ADAM2: variants seen among roughly 807,000 people sequenced by gnomAD.
ADAM2 encodes the protein disintegrin and metalloproteinase domain-containing protein 2.
ADAM2 carries 101 observed loss-of-function variants against 99.3 expected under a neutral mutation model. The ratio of observed to expected loss-of-function variants is 1.02; its 90% CI spans 0.87 to 1.20. The LOEUF is 1.20. ADAM2 is among the 50% of genes most tolerant of loss of function. ADAM2 has a pLI of 0.00. For missense variants in ADAM2, 948 were observed against 878.7 expected (o/e 1.08, Z -1.00); for synonymous variants, 323 against 287.6 (o/e 1.12, Z -1.25).
chr8:39,755,954 A>T, intron 15 of ADAM2, 43 bp from the exon 16 acceptor site: 1 of 1,057,062 alleles, frequency 9.5e-7, no homozygotes, highest in Non-Finnish European at 1.4e-6. Context: ...TTTAATTTAG[A>T]GAAGTACAAG....
chr8:39,779,540 G>A (rs909737223), intron 10 of ADAM2, among the ~76,000 whole-genome samples: 3 of 152,030 alleles, frequency 2.0e-5, no homozygotes, highest in African/African-American at 4.8e-5. Flanking sequence ...ATTTCCTACA[G>A]GTTCTTGTTA....
intron 10 of ADAM2, among the ~76,000 whole-genome samples, chr8:39,785,745 C>T (rs147585953): frequency 0.013 from 1,917 of 145,370 alleles, 26 homozygotes; most frequent in Non-Finnish European, 0.018. Flanking sequence ...TGCAGTGAAA[C>T]GAGATTGTGC....
intron 7 of ADAM2, among the ~76,000 whole-genome samples, chr8:39,799,426 C>T (rs1413330102): frequency 1.3e-5 from 2 of 152,160 alleles, no homozygotes; most frequent in African/African-American, 4.8e-5. Flanking sequence ...AGTTCTTTTG[C>T]ATTTGCAGAA....
chr8:39,822,442 G>A (rs1805228653), intron 4 of ADAM2, among the ~76,000 whole-genome samples: 1 of 151,506 alleles, frequency 6.6e-6, no homozygotes, highest in Non-Finnish European at 1.5e-5. Context: ...GAATCAAAAA[G>A]CTTCACTTAT....
At chr8:39,771,124 C>T (rs1047159627) in intron 11 of ADAM2, among the ~76,000 whole-genome samples, 1 of 152,192 alleles carries the variant, frequency 6.6e-6, no homozygotes, top group African/African-American at 2.4e-5. Context: ...AACCTCAACT[C>T]ACTCTGCTCA....
chr8:39,760,497 G>A (rs1303175529), intron 15 of ADAM2, among the ~76,000 whole-genome samples: 2 of 152,034 alleles, frequency 1.3e-5, no homozygotes, highest in Non-Finnish European at 2.9e-5. Flanking sequence ...CGAGGCAGGT[G>A]GATCACGAGG....
chr8:39,768,187 T>A (rs1802642365), intron 12 of ADAM2, among the ~76,000 whole-genome samples: 1 of 152,164 alleles, frequency 6.6e-6, no homozygotes, highest in Non-Finnish European at 1.5e-5. Context: ...CTTAGATACA[T>A]GATTGTCAAA....
At chr8:39,753,812 A>AACACACACAC (rs34323295) in intron 16 of ADAM2, among the ~76,000 whole-genome samples, 1 of 150,550 alleles carries the variant, frequency 6.6e-6, no homozygotes, top group African/African-American at 2.4e-5. Context: ...AAAACAACAA[A>AACACACACAC]ACACACACAC....
chr8:39,777,193 G>A, intron 10 of ADAM2, 32 bp from the exon 11 acceptor site: 1 of 1,573,104 alleles, frequency 6.4e-7, no homozygotes, highest in East Asian at 2.3e-5. Context: ...ACACGTTTTG[G>A]GAGATTATTT....
rs771591286 is a variant in ADAM2 at position 39,749,349 on chromosome 8, G to T, written c.1977C>A (p.Gly659=). 2 of 1,612,864 alleles carry T rather than the reference G, an allele frequency of 1.2e-6. No homozygotes were observed. The highest frequency in any genetic ancestry group is 1.7e-6 in the Non-Finnish European group (2 of 1,179,252). The part of the protein sequence containing the change: ...DLWPGGSIDS[G]NFPPVAIPAR... ...CTGGTATAGCTACAGGTGGAAAATT[G>T]CCACTGTCAATACTCCCACCAGGCC... The change falls in exon 18 of 21, where the codon GGC becomes GGA. Residue 659 remains glycine, a synonymous_variant. Coordinates refer to ENST00000265708, the MANE Select transcript of ADAM2 (RefSeq NM_001464.5).
At chr8:39,753,840 C>T (rs1275659473) in intron 16 of ADAM2, among the ~76,000 whole-genome samples, 2 of 152,134 alleles carry the variant, frequency 1.3e-5, no homozygotes, top group African/African-American at 2.4e-5. Flanking sequence ...CTCACACACA[C>T]ACACACAAAA....
At chr8:39,758,696 T>C (rs1182474241) in intron 15 of ADAM2, among the ~76,000 whole-genome samples, 1 of 152,018 alleles carries the variant, frequency 6.6e-6, no homozygotes, top group Admixed American at 6.5e-5. Flanking sequence ...AGAGCAGAAG[T>C]AGAAGAAGCT....
chr8:39,753,823 A>ACG lies in ADAM2; in HGVS notation c.1797+1904_1797+1905insCG, dbSNP rs569990247. Among the ~76,000 whole-genome samples, 109 of 151,938 alleles carry ACG rather than the reference A, an allele frequency of 7.2e-4. 1 individual carries two copies. The Middle Eastern group carries it at 0.01, about 14-fold the overall frequency. Reference sequence around the variant, plus strand: ...CTATAAAACAACAAAACACACACACACACACACTCACACACACACACACAA... The same window carrying ACG: ...CTATAAAACAACAAAACACACACACACGCACACACTCACACACACACACACAA... On this transcript the variant is annotated intron_variant, in intron 16 of 20. Transcript: ENST00000265708.
At chr8:39,779,617 A>AT (rs1803138693) in intron 10 of ADAM2, among the ~76,000 whole-genome samples, 1 of 152,178 alleles carries the variant, frequency 6.6e-6, no homozygotes, top group Non-Finnish European at 1.5e-5. Context: ...GAATTTAAAA[A>AT]ATATATATTT....
rs555233570 is a variant in ADAM2 at position 39,836,006 on chromosome 8, A to C, written c.132+1130T>G. 4.6e-5 allele frequency among the ~76,000 whole-genome samples: 7 copies of C among 152,206 alleles called. No homozygotes were observed. In the South Asian group the frequency reaches 1.2e-3, roughly 27 times the overall value. On this transcript the variant is annotated intron_variant, in intron 2 of 20. Coordinates refer to ENST00000265708, the MANE Select transcript of ADAM2 (RefSeq NM_001464.5). The stretch of plus-strand genomic sequence containing the variant: ...GTGCTTTGTTTTGGTTTTGGTAACC[A>C]CAAAATCAAAAAGGAACTTTTTGAT...
At position 39,761,041 on chromosome 8, in the gene ADAM2, T is replaced by C. The variant is rs1802346988; in HGVS notation, c.1613+135A>G. 1.4e-5 allele frequency: 7 copies of C among 485,152 alleles called. No individual in the cohort carries two copies. In the Admixed American group the frequency reaches 2.0e-4, roughly 14 times the overall value. 30.1% of individuals were successfully genotyped at this position (485,152 alleles called of 1,614,324 possible). A position where few individuals can be genotyped will look rare whatever the true frequency, so the allele number is the denominator to read the frequency against. Reference sequence around the variant, plus strand: ...TAGGAGAGGAGAAATGTGTCTATGATATTTATAATTTGAATAAACATGGTC... The same window carrying C: ...TAGGAGAGGAGAAATGTGTCTATGACATTTATAATTTGAATAAACATGGTC... On this transcript the variant is annotated intron_variant, in intron 15 of 20. Transcript: ENST00000265708.
In ADAM2 at chr8:39,781,306, T is replaced by C. The variant is rs1389613497; in HGVS notation, c.892-4145A>G. On this transcript the variant is annotated intron_variant, in intron 10 of 20. Transcript: ENST00000265708. Reference sequence around the variant, plus strand: ...GTGTGTGTGCGCATGTGTGTGTGTGTCACATGAACCTGTATAACTACTACT... The same window carrying C: ...GTGTGTGTGCGCATGTGTGTGTGTGCCACATGAACCTGTATAACTACTACT... 4.6e-5 allele frequency among the ~76,000 whole-genome samples: 7 copies of C among 152,146 alleles called. No homozygotes were observed. In the East Asian group the frequency reaches 1.2e-3, roughly 25 times the overall value.
intron 11 of ADAM2, among the ~76,000 whole-genome samples, chr8:39,771,139 G>C (rs1298209976): frequency 1.3e-5 from 2 of 152,134 alleles, no homozygotes; most frequent in African/African-American, 4.8e-5. Flanking sequence ...TGCTCAAATA[G>C]GTGGACCTCT....
At chr8:39,806,890 A>G (rs541810137) in intron 7 of ADAM2, among the ~76,000 whole-genome samples, 16 of 152,306 alleles carry the variant, frequency 1.1e-4, no homozygotes, top group Middle Eastern at 3.4e-3. Context: ...ACAGGACACA[A>G]TGAAGGAGGG....
Sources: allele counts gnomAD v4.1 joint callset (sites outside exome capture counted in the v4.1 genomes callset), GRCh38; gene constraint gnomAD v4.1.1; transcripts MANE v1.5; gene names NCBI Gene and HGNC (gene_info 2026-07-23, HGNC 2026-07-21).